The following ROBO2 variants were observed in gnomAD, a reference collection of about 807,000 sequenced individuals.
ROBO2 encodes the protein roundabout homolog 2.
In ROBO2, 53 loss-of-function variants were observed where a neutral mutation model predicts 160.8. That is an observed-to-expected ratio of 0.33 (90% CI 0.26 to 0.41). ROBO2 has a LOEUF of 0.41. Among genes scored for constraint, ROBO2 ranks in the 10% least tolerant of loss-of-function variants. The pLI is 1.00. For missense variants in ROBO2, 1,577 were observed against 1,722.4 expected (o/e 0.92, Z 1.49); for synonymous variants, 664 against 611.7 (o/e 1.09, Z -1.26).
rs188031489 is a variant in ROBO2, at chr3:77,193,942, G to C, written c.388+95602G>C. On this transcript the variant is annotated intron_variant, in intron 2 of 25. Coordinates refer to ENST00000461745, the Ensembl canonical transcript of ROBO2. ...AATAAGTATTCATCTGTTTTTTAAT[G>C]TGAAAATCAGGAACTATATTTTCAG... is the stretch of plus-strand genomic sequence containing the variant. 1.3e-3 allele frequency among the ~76,000 whole-genome samples: 183 copies of C among 144,906 alleles called. 2 individuals are homozygous for C. Among genetic ancestry groups the C allele is most frequent in the Non-Finnish European group, 2.3e-3 (147 of 63,692 alleles).
At chr3:76,160,116 A>C (rs2072562220) in intron 2 of ROBO2, among the ~76,000 whole-genome samples, 1 of 152,140 alleles carries the variant, frequency 6.6e-6, no homozygotes, top group Non-Finnish European at 1.5e-5. Flanking sequence ...GCTCTGCAGA[A>C]AGTCAACAAG....
rs549960893 is a variant in ROBO2, at chr3:77,100,605, T to C, written c.388+2265T>C. Among the ~76,000 whole-genome samples the C allele has an allele frequency of 3.3e-5, 5 of 152,100 alleles. No individual in the cohort carries two copies. In the East Asian group the frequency reaches 9.7e-4, roughly 29 times the overall value. ...AACATAAATACTCATTGTGGTGCAT[T>C]CACTTAGTTTATTAATAGAAGGCGG... On this transcript the variant is annotated intron_variant, in intron 2 of 25. Coordinates refer to ENST00000461745, the Ensembl canonical transcript of ROBO2.
Position 77,120,366 on chromosome 3 carries a change from A to G in ROBO2, c.388+22026A>G, listed in dbSNP as rs556021609. 3.9e-5 allele frequency among the ~76,000 whole-genome samples: 6 copies of G among 152,268 alleles called. No homozygotes were observed. The East Asian group carries it at 1.2e-3, about 29-fold the overall frequency. On this transcript the variant is annotated intron_variant, in intron 2 of 25. Coordinates refer to ENST00000461745, the Ensembl canonical transcript of ROBO2. ...AATCTGGAAAATTATGAAGCTTCTAAAATGTGTCCTGAAGAGATTCAAAGG... is the reference window on the plus strand; with the variant it reads ...AATCTGGAAAATTATGAAGCTTCTAGAATGTGTCCTGAAGAGATTCAAAGG...
intron 6 of ROBO2, among the ~76,000 whole-genome samples, chr3:77,523,785 T>C (rs2090858260): frequency 6.6e-6 from 1 of 151,362 alleles, no homozygotes. Context: ...CTCCCACTGC[T>C]AACTGTGCCT....
chr3:76,643,992 C>G (rs565885575), intron 2 of ROBO2, among the ~76,000 whole-genome samples: 1 of 152,254 alleles, frequency 6.6e-6, no homozygotes, highest in African/African-American at 2.4e-5. Flanking sequence ...ATTTATCAAA[C>G]TTTTTTGTCA....
At chr3:76,734,951 A>C (rs918098199) in intron 2 of ROBO2, among the ~76,000 whole-genome samples, 3 of 152,238 alleles carry the variant, frequency 2.0e-5, no homozygotes, top group Non-Finnish European at 2.9e-5. Context: ...GCAAATAAAA[A>C]TTCCTCGCTA....
At chr3:76,641,596 T>C (rs981197947) in intron 2 of ROBO2, among the ~76,000 whole-genome samples, 2 of 151,936 alleles carry the variant, frequency 1.3e-5, no homozygotes, top group Admixed American at 1.3e-4. Flanking sequence ...ATTCCTGGAA[T>C]AGAAAAGAGA....
At chr3:77,190,743 T>C (rs1211470466) in intron 2 of ROBO2, among the ~76,000 whole-genome samples, 1 of 152,064 alleles carries the variant, frequency 6.6e-6, no homozygotes, top group Non-Finnish European at 1.5e-5. Context: ...TTTTATTTAG[T>C]GCCTGGACTC....
At chr3:76,108,544 T>C (rs1207276743) in intron 2 of ROBO2, among the ~76,000 whole-genome samples, 2 of 151,908 alleles carry the variant, frequency 1.3e-5, no homozygotes, top group Non-Finnish European at 2.9e-5. Flanking sequence ...CATCTTTGTT[T>C]TGAATTATAT....
chr3:76,443,162 G>C (rs745331406), intron 2 of ROBO2, among the ~76,000 whole-genome samples: 15 of 151,880 alleles, frequency 9.9e-5, no homozygotes, highest in Non-Finnish European at 1.8e-4. Flanking sequence ...TTAACATTCA[G>C]TTCTCACAGG....
chr3:77,044,854 T>C (rs2064478203), intron 1 of ROBO2, among the ~76,000 whole-genome samples: 1 of 152,216 alleles, frequency 6.6e-6, no homozygotes, highest in African/African-American at 2.4e-5. Flanking sequence ...TTTTACAGAT[T>C]TATTTCTAAA....
chr3:76,939,694 G>T (rs1295075725), intron 2 of ROBO2, among the ~76,000 whole-genome samples: 1 of 152,088 alleles, frequency 6.6e-6, no homozygotes, highest in Non-Finnish European at 1.5e-5. Context: ...TGAGGCAAGA[G>T]AATTACTTGA....
At chr3:77,355,838 A>G (rs1271476668) in intron 2 of ROBO2, among the ~76,000 whole-genome samples, 1 of 152,084 alleles carries the variant, frequency 6.6e-6, no homozygotes. Flanking sequence ...AGTGTCAGCC[A>G]GGGAGAAACA....
chr3:76,958,226 A>G (rs1223776891), intron 2 of ROBO2, among the ~76,000 whole-genome samples: 2 of 152,174 alleles, frequency 1.3e-5, no homozygotes. Context: ...CAGCCTTCTC[A>G]TCTGCTCAGA....
At chr3:76,053,950 T>C (rs2067746462) in intron 2 of ROBO2, among the ~76,000 whole-genome samples, 1 of 152,124 alleles carries the variant, frequency 6.6e-6, no homozygotes, top group Non-Finnish European at 1.5e-5. Context: ...ATACTAAATA[T>C]AAAGTCAATA....
chr3:76,616,047 C>T (rs2088556114), intron 2 of ROBO2, among the ~76,000 whole-genome samples: 1 of 152,172 alleles, frequency 6.6e-6, no homozygotes, highest in African/African-American at 2.4e-5. Context: ...TTCCAGGTCT[C>T]TTAAAACTGA....
chr3:76,657,730 GAGTGTATA>G (rs2091625040), intron 2 of ROBO2, among the ~76,000 whole-genome samples: 1 of 126,568 alleles, frequency 7.9e-6, no homozygotes, highest in African/African-American at 3.7e-5. Flanking sequence ...ATTCATATAT[GAGTGTATA>G]TATATTCATA....
intron 2 of ROBO2, among the ~76,000 whole-genome samples, chr3:76,596,287 A>G (rs1405486011): frequency 6.6e-6 from 1 of 152,130 alleles, no homozygotes; most frequent in Admixed American, 6.6e-5. Context: ...AAATGGGACA[A>G]TGCTTACAGT....
At chr3:76,485,303 A>G (rs1044682991) in intron 2 of ROBO2, among the ~76,000 whole-genome samples, 3 of 152,066 alleles carry the variant, frequency 2.0e-5, no homozygotes, top group Non-Finnish European at 2.9e-5. Context: ...GGAGCACGCA[A>G]TCTAGGTCCC....
Sources: gnomAD v4.1 joint callset for allele counts (sites outside exome capture counted in the v4.1 genomes callset) on GRCh38, gnomAD v4.1.1 for gene constraint, MANE v1.5 for transcripts, NCBI Gene and HGNC (gene_info 2026-07-23, HGNC 2026-07-21) for gene names.